Variants in MKLN1 observed in about 807,000 individuals in gnomAD.
MKLN1 encodes the protein muskelin 1, also known as muskelin.
A neutral mutation model predicts 99.0 loss-of-function variants in MKLN1; 18 were observed. That is an observed-to-expected ratio of 0.18 (90% CI 0.13 to 0.27). The LOEUF (loss-of-function observed/expected upper bound fraction) is 0.27. MKLN1 is among the 10% of genes least tolerant of loss of function. The pLI is 1.00. For missense variants in MKLN1, 621 were observed against 875.9 expected (o/e 0.71, Z 3.67); for synonymous variants, 288 against 293.2 (o/e 0.98, Z 0.18).
chr7:131,161,117 A>G (rs1796042370), intron 2 of MKLN1, among the ~76,000 whole-genome samples: 1 of 152,188 alleles, frequency 6.6e-6, no homozygotes, highest in African/African-American at 2.4e-5. Flanking sequence ...CCTTAAAGTA[A>G]CTAAAGAGCT....
chr7:131,439,821 T>C (rs191711226), intron 10 of MKLN1, among the ~76,000 whole-genome samples: 1 of 152,164 alleles, frequency 6.6e-6, no homozygotes, highest in African/African-American at 2.4e-5. Flanking sequence ...GATGTTGCTT[T>C]GTGTGGTTTT....
At position 131,242,975 on chromosome 7, in the gene MKLN1, G is replaced by A. The variant is rs989217302; in HGVS notation, c.-179+40001G>A. 5 of 631,818 alleles carry A rather than the reference G, an allele frequency of 7.9e-6. No individual in the cohort carries two copies. The African/African-American group carries it at 9.2e-5, about 12-fold the overall frequency. The allele number at this position is 631,818 out of a possible 1,614,324, so 39.1% of individuals were successfully genotyped here. A position where few individuals can be genotyped will look rare whatever the true frequency, so the allele number is the denominator to read the frequency against. Reference sequence around the variant, plus strand: ...AGAGATACAAGACAGGCAAGAACAAGCGGTTCTTCCAGAAGCTGCGGTTTT... The same window carrying A: ...AGAGATACAAGACAGGCAAGAACAAACGGTTCTTCCAGAAGCTGCGGTTTT... On this transcript the variant is annotated intron_variant, in intron 3 of 7. Coordinates refer to the MKLN1 transcript ENST00000416992.
At chr7:131,426,564 T>C (rs1795364273) in intron 8 of MKLN1, among the ~76,000 whole-genome samples, 1 of 152,224 alleles carries the variant, frequency 6.6e-6, no homozygotes, top group Non-Finnish European at 1.5e-5. Flanking sequence ...AGTGTTTTTT[T>C]TGTAGTTTAA....
intron 3 of MKLN1, among the ~76,000 whole-genome samples, chr7:131,314,711 C>T (rs1477915732): frequency 3.3e-5 from 5 of 152,146 alleles, no homozygotes; most frequent in Admixed American, 1.3e-4. Context: ...CTTGAGCCAC[C>T]GCGCCCAGCC....
At chr7:131,339,697 TC>T (rs57392554) in intron 1 of MKLN1, among the ~76,000 whole-genome samples, 146,570 of 149,470 alleles carry the variant, frequency 0.98, 71,865 homozygotes, top group South Asian at 1. Context: ...AGACTCAGTC[TC>T]CAAAAAAAAA....
At chr7:131,201,616 A>G (rs1375317198) in intron 2 of MKLN1, among the ~76,000 whole-genome samples, 4 of 152,190 alleles carry the variant, frequency 2.6e-5, no homozygotes, top group African/African-American at 9.7e-5. Context: ...TACTGTATCT[A>G]CTTTGGTGCC....
At chr7:131,376,864 A>G (rs1196011225) in intron 2 of MKLN1, among the ~76,000 whole-genome samples, 3 of 151,998 alleles carry the variant, frequency 2.0e-5, no homozygotes, top group African/African-American at 7.2e-5. Flanking sequence ...GATATAGCAT[A>G]TAAATATTTT....
At chr7:131,471,160 C>T in intron 16 of MKLN1, 2 of 429,060 alleles carry the variant, frequency 4.7e-6, no homozygotes, top group South Asian at 6.0e-5. Context: ...TTGGTCCATT[C>T]AGAAAAGGAT....
At chr7:131,400,518 A>AATATATATATATAT (rs56156009) in intron 6 of MKLN1, among the ~76,000 whole-genome samples, 62 of 137,426 alleles carry the variant, frequency 4.5e-4, no homozygotes, top group Middle Eastern at 3.9e-3. Flanking sequence ...ATAAAAAAAA[A>AATATATATATATAT]ATATATATAT....
chr7:131,366,009 C>T lies in MKLN1; in HGVS notation c.99-9415C>T, dbSNP rs183151653. 1.4e-4 allele frequency among the ~76,000 whole-genome samples: 21 copies of T among 152,254 alleles called. No homozygotes were observed. In the East Asian group the frequency reaches 4.0e-3, roughly 29 times the overall value. ...TCGAATGAAGGGTGTGAAAGCTCTTCATAGAAATGCAGAATGTTAACTTGG... is the reference window on the plus strand; with the variant it reads ...TCGAATGAAGGGTGTGAAAGCTCTTTATAGAAATGCAGAATGTTAACTTGG... On this transcript the variant is annotated intron_variant, in intron 1 of 17. Transcript: ENST00000352689.
chr7:131,202,693 G>A (rs1246912015), intron 2 of MKLN1, among the ~76,000 whole-genome samples: 2 of 152,108 alleles, frequency 1.3e-5, no homozygotes, highest in East Asian at 3.9e-4. Flanking sequence ...TCCAGACATT[G>A]TCAAATGTCC....
chr7:131,398,360 T>C lies in MKLN1; in HGVS notation c.511-881T>C, dbSNP rs572682259. On this transcript the variant is annotated intron_variant, in intron 5 of 17. Transcript: ENST00000352689. ...ATTCCAGTTAATTGAGATGTCTACT[T>C]TATAGCTGCTTAATAGATGAGGTAG... 5.9e-5 allele frequency among the ~76,000 whole-genome samples: 9 copies of C among 152,274 alleles called. No individual in the cohort carries two copies. In the East Asian group the frequency reaches 1.5e-3, roughly 26 times the overall value.
intron 2 of MKLN1, among the ~76,000 whole-genome samples, chr7:131,178,593 C>T (rs774547445): frequency 3.9e-5 from 6 of 152,162 alleles, no homozygotes; most frequent in Admixed American, 1.3e-4. Flanking sequence ...TCTGTTCAAT[C>T]GTTCCAGACT....
chr7:131,431,592 T>C (rs1412762051), intron 9 of MKLN1, among the ~76,000 whole-genome samples: 5 of 152,176 alleles, frequency 3.3e-5, no homozygotes, highest in African/African-American at 9.7e-5. Context: ...GAAGTAGACA[T>C]GAGCAATCCA....
At chr7:131,124,101 T>A (rs188755788) in intron 1 of MKLN1, among the ~76,000 whole-genome samples, 1 of 152,342 alleles carries the variant, frequency 6.6e-6, no homozygotes, top group East Asian at 1.9e-4. Context: ...ATGAGGATAA[T>A]AACACCTACC....
At chr7:131,286,251 A>G (rs1798131304) in intron 3 of MKLN1, among the ~76,000 whole-genome samples, 1 of 152,166 alleles carries the variant, frequency 6.6e-6, no homozygotes. Context: ...CGCCTGGCCA[A>G]TGGACTATAT....
At chr7:131,235,336 A>G (rs1284452753) in intron 3 of MKLN1, among the ~76,000 whole-genome samples, 1 of 152,014 alleles carries the variant, frequency 6.6e-6, no homozygotes, top group African/African-American at 2.4e-5. Context: ...GGAGAGAGAG[A>G]GAGAGAGAGC....
chr7:131,239,283 T>G (rs1296961259), intron 3 of MKLN1, among the ~76,000 whole-genome samples: 1 of 152,150 alleles, frequency 6.6e-6, no homozygotes, highest in Non-Finnish European at 1.5e-5. Context: ...CAAGCTAATT[T>G]ACGTATTATG....
At chr7:131,142,860 C>G (rs1795756906) in exon 2 of MKLN1, 1 of 1,276,432 alleles carries the variant, frequency 7.8e-7, no homozygotes, top group South Asian at 1.3e-5. Context: ...TTGGGATCAT[C>G]CAAACATTCC....
Sources: allele counts gnomAD v4.1 joint callset (sites outside exome capture counted in the v4.1 genomes callset), GRCh38; gene constraint gnomAD v4.1.1; transcripts MANE v1.5; gene names NCBI Gene and HGNC (gene_info 2026-07-23, HGNC 2026-07-21).